HMCN1: variants seen among roughly 807,000 people sequenced by gnomAD.
HMCN1 encodes the protein hemicentin-1.
HMCN1 carries 321 observed loss-of-function variants against 625.9 expected under a neutral mutation model. The ratio of observed to expected loss-of-function variants is 0.51; its 90% CI spans 0.47 to 0.56. The LOEUF is 0.56. HMCN1 is among the 20% of genes least tolerant of loss of function. HMCN1 has a pLI of 0.00. For synonymous variants in HMCN1, 2,425 were observed against 2,417.6 expected, an observed-to-expected ratio of 1.00 and a Z score of -0.09; for missense variants, 6,588 against 6,887.3, an observed-to-expected ratio of 0.96 and a Z score of 1.54.
intron 1 of HMCN1, among the ~76,000 whole-genome samples, chr1:185,803,205 CAAAAAAAAAAA>C: frequency 0.21 from 12,476 of 59,086 alleles, 1,962 homozygotes; most frequent in African/African-American, 0.47. Context: ...AAAAAAAAAG[CAAAAAAAAAAA>C]AAAAAAACAA....
rs780325072 is a variant in HMCN1, at chr1:186,041,114, G to A, written c.6282G>A (p.Arg2094=). ...VAVNAAGEKQ[R]DIDLRVYVPP... is the part of the protein sequence containing the mutation. ...TGAATGCTGCTGGAGAAAAGCAAAGGGACATTGACCTCCGAGTATATGGTG... is the reference window on the plus strand; with the variant it reads ...TGAATGCTGCTGGAGAAAAGCAAAGAGACATTGACCTCCGAGTATATGGTG... The change falls in exon 40 of 107, where the codon AGG becomes AGA. Residue 2094 remains arginine, a synonymous_variant. Transcript: ENST00000271588. 3 of 1,612,618 alleles carry A rather than the reference G, an allele frequency of 1.9e-6. No individual in the cohort carries two copies. The highest frequency in any genetic ancestry group is 2.5e-6 in the Non-Finnish European group (3 of 1,179,046).
intron 52 of HMCN1, among the ~76,000 whole-genome samples, chr1:186,073,733 G>A (rs192935399): frequency 6.6e-6 from 1 of 151,844 alleles, no homozygotes; most frequent in Non-Finnish European, 1.5e-5. Context: ...GTCAGGAGGA[G>A]ACTGAGTGGC....
At chr1:186,162,857 G>T (rs996369933) in intron 97 of HMCN1, among the ~76,000 whole-genome samples, 1 of 152,196 alleles carries the variant, frequency 6.6e-6, no homozygotes, top group African/African-American at 2.4e-5. Flanking sequence ...CTGCTCAGGG[G>T]TCAGGGACCC....
intron 1 of HMCN1, among the ~76,000 whole-genome samples, chr1:185,774,549 CAGAGG>C (rs1313099293): frequency 1.3e-5 from 2 of 152,102 alleles, no homozygotes; most frequent in Non-Finnish European, 2.9e-5. Context: ...AGAAGAGCGG[CAGAGG>C]AGAGCTAAAT....
At chr1:185,758,301 G>A (rs746665361) in intron 1 of HMCN1, among the ~76,000 whole-genome samples, 10 of 152,196 alleles carry the variant, frequency 6.6e-5, no homozygotes, top group South Asian at 4.1e-4. Flanking sequence ...TTTTGAAGCC[G>A]GAGGATTACA....
intron 14 of HMCN1, 78 bp downstream of exon 14, chr1:185,965,993 T>G: frequency 1.1e-6 from 1 of 923,388 alleles, no homozygotes; most frequent in Non-Finnish European, 1.8e-6. Flanking sequence ...GTTAAAACTT[T>G]GTTTTGGTGT....
At chr1:186,118,808 T>C (rs889975741) in intron 77 of HMCN1, among the ~76,000 whole-genome samples, 4 of 152,178 alleles carry the variant, frequency 2.6e-5, no homozygotes, top group Non-Finnish European at 5.9e-5. Context: ...AAGGCAAATC[T>C]GTAGAATCAG....
chr1:185,914,632 C>G (rs893242775), intron 6 of HMCN1, among the ~76,000 whole-genome samples: 1 of 151,954 alleles, frequency 6.6e-6, no homozygotes, highest in African/African-American at 2.4e-5. Context: ...TGTTCCTTCC[C>G]CTTATAATGC....
chr1:185,864,461 A>G lies in HMCN1; in HGVS notation c.340-9A>G, dbSNP rs1037465305. Reference sequence around the variant, plus strand: ...ATGACGTAATTGAATTTTTCTCTCCACTCAACAGGGTGGTGGTGATTGCCC... The same window carrying G: ...ATGACGTAATTGAATTTTTCTCTCCGCTCAACAGGGTGGTGGTGATTGCCC... On this transcript the variant is annotated splice_polypyrimidine_tract_variant and intron_variant, in intron 2 of 106. Transcript: ENST00000271588. The G allele has an allele frequency of 1.1e-5, 18 of 1,613,558 alleles. No individual in the cohort carries two copies. Among genetic ancestry groups the G allele is most frequent in the Admixed American group, 1.7e-5 (1 of 59,996 alleles).
intron 19 of HMCN1, among the ~76,000 whole-genome samples, chr1:185,987,198 C>T (rs1213056099): frequency 6.6e-6 from 1 of 151,612 alleles, no homozygotes; most frequent in Non-Finnish European, 1.5e-5. Flanking sequence ...GCTTATTAGA[C>T]ATAACTTACT....
chr1:186,162,061 A>G (rs549713453), intron 97 of HMCN1, among the ~76,000 whole-genome samples: 43 of 152,322 alleles, frequency 2.8e-4, no homozygotes, highest in African/African-American at 9.1e-4. Context: ...TACACCAATC[A>G]GACGTAGATT....
chr1:185,824,772 C>A (rs1457996526), intron 1 of HMCN1, among the ~76,000 whole-genome samples: 3 of 152,114 alleles, frequency 2.0e-5, no homozygotes, highest in Non-Finnish European at 4.4e-5. Context: ...GCCATAGTAA[C>A]TAGCAAAACC....
At chr1:186,007,701 A>G (rs1024864477) in intron 30 of HMCN1, among the ~76,000 whole-genome samples, 4 of 152,124 alleles carry the variant, frequency 2.6e-5, no homozygotes, top group Non-Finnish European at 5.9e-5. Flanking sequence ...TATCCTGACC[A>G]TGTGATTATC....
chr1:185,917,557 G>A (rs918512956), intron 6 of HMCN1, among the ~76,000 whole-genome samples: 8 of 152,176 alleles, frequency 5.3e-5, no homozygotes, highest in African/African-American at 1.9e-4. Context: ...TTCTTGATGA[G>A]TATAGCATTA....
chr1:185,987,644 GA>G (rs776134405), intron 20 of HMCN1, 100 bp downstream of exon 20: 2 of 846,768 alleles, frequency 2.4e-6, no homozygotes, highest in Non-Finnish European at 4.1e-6. Context: ...GTGGGGCATG[GA>G]AAGAAGATAA....
At chr1:186,088,113 T>C in intron 61 of HMCN1, 32 bp from the exon 62 acceptor site, 1 of 1,602,148 alleles carries the variant, frequency 6.2e-7, no homozygotes, top group Non-Finnish European at 8.5e-7. Context: ...TTCTTCTGTT[T>C]TTTTGTTTGT....
Position 186,045,755 on chromosome 1 carries a change from A to G in HMCN1, c.6372A>G (p.Leu2124=), listed in dbSNP as rs981784548. The G allele has an allele frequency of 6.2e-7, 1 of 1,612,908 alleles. No homozygotes were observed. Among genetic ancestry groups the G allele is most frequent in the Non-Finnish European group, 8.5e-7 (1 of 1,179,062 alleles). Reference sequence around the variant, plus strand: ...TCATTAGCCAAGCTGTGGAATTACTATGTCAAAGTGATGCTATTCCCCCAC... The same window carrying G: ...TCATTAGCCAAGCTGTGGAATTACTGTGTCAAAGTGATGCTATTCCCCCAC... ...SVLISQAVEL[L]CQSDAIPPPT... is the part of the protein sequence containing the mutation. The change falls in exon 41 of 107, where the codon CTA becomes CTG. Residue 2124 remains leucine (L), a synonymous_variant. Transcript: ENST00000271588.
intron 4 of HMCN1, 32 bp from the exon 5 acceptor site, chr1:185,909,305 A>T: frequency 1.9e-6 from 3 of 1,564,238 alleles, no homozygotes; most frequent in Non-Finnish European, 2.6e-6. Flanking sequence ...ATGTTTTCTG[A>T]TATCACTTAC....
chr1:186,147,024 T>A (rs1650355362), intron 93 of HMCN1, among the ~76,000 whole-genome samples: 2 of 152,210 alleles, frequency 1.3e-5, no homozygotes, highest in Admixed American at 6.5e-5. Flanking sequence ...TCTTTCTCCC[T>A]GCTTAGGACT....
Sources: gnomAD v4.1 joint callset for allele counts (sites outside exome capture counted in the v4.1 genomes callset) on GRCh38, gnomAD v4.1.1 for gene constraint, MANE v1.5 for transcripts, NCBI Gene and HGNC (gene_info 2026-07-23, HGNC 2026-07-21) for gene names.